Variants in GRM3 observed in about 807,000 individuals in gnomAD.
GRM3 encodes the protein metabotropic glutamate receptor 3.
In GRM3, 26 loss-of-function variants were observed where a neutral mutation model predicts 70.5. The observed-to-expected ratio is 0.37, with a 90% CI of 0.27 to 0.51. GRM3 has a LOEUF of 0.51. Among genes scored for constraint, GRM3 ranks in the 20% least tolerant of loss-of-function variants. The pLI is 0.93. For synonymous variants in GRM3, 443 were observed against 434.9 expected, an observed-to-expected ratio of 1.02 and a Z score of -0.23; for missense variants, 859 against 1,123.8, an observed-to-expected ratio of 0.76 and a Z score of 3.37.
chr7:86,864,150 T>A (rs1279106766), intron 5 of GRM3, 132 bp from the exon 6 acceptor site: 11 of 652,274 alleles, frequency 1.7e-5, no homozygotes, highest in Non-Finnish European at 2.8e-5. Flanking sequence ...GAACTCCAAT[T>A]TGTAGTCTTT....
At position 86,797,907 on chromosome 7, in the gene GRM3, A is replaced by G. The variant is rs543693324; in HGVS notation, c.1324+10791A>G. Among the ~76,000 whole-genome samples the G allele has an allele frequency of 5.3e-5, 8 of 152,302 alleles. No individual in the cohort carries two copies. In the South Asian group the frequency reaches 1.7e-3, roughly 32 times the overall value. Reference sequence around the variant, plus strand: ...CGGTGCCTGCATCCCAGCCGTGGCTAAAAGGGGCCAATGTAGAGCTCAGGC... The same window carrying G: ...CGGTGCCTGCATCCCAGCCGTGGCTGAAAGGGGCCAATGTAGAGCTCAGGC... On this transcript the variant is annotated intron_variant, in intron 3 of 5. Transcript: ENST00000361669.
At chr7:86,761,437 G>A (rs1427425976) in intron 1 of GRM3, among the ~76,000 whole-genome samples, 1 of 152,090 alleles carries the variant, frequency 6.6e-6, no homozygotes, top group African/African-American at 2.4e-5. Flanking sequence ...ATTTCTACCT[G>A]TTGGTGACCC....
At chr7:86,834,427 T>C (rs1798414930) in intron 3 of GRM3, among the ~76,000 whole-genome samples, 1 of 152,142 alleles carries the variant, frequency 6.6e-6, no homozygotes, top group African/African-American at 2.4e-5. Context: ...TAATTCTATT[T>C]CTGCTATTTG....
intron 1 of GRM3, among the ~76,000 whole-genome samples, chr7:86,751,080 A>G (rs1315896973): frequency 1.3e-5 from 2 of 152,048 alleles, no homozygotes; most frequent in Non-Finnish European, 2.9e-5. Flanking sequence ...GCTGTCATCA[A>G]TTTCCCCATT....
intron 3 of GRM3, among the ~76,000 whole-genome samples, chr7:86,796,105 G>C (rs989003894): frequency 1.6e-4 from 24 of 152,184 alleles, no homozygotes; most frequent in African/African-American, 5.8e-4. Flanking sequence ...TGTGGCAATT[G>C]CTTTTGATGT....
intron 1 of GRM3, among the ~76,000 whole-genome samples, chr7:86,689,410 A>G (rs1185411313): frequency 6.6e-6 from 1 of 152,110 alleles, no homozygotes; most frequent in Non-Finnish European, 1.5e-5. Flanking sequence ...ATAATGAAAT[A>G]CAGCAGGAAA....
intron 1 of GRM3, among the ~76,000 whole-genome samples, chr7:86,687,544 A>G (rs781279999): frequency 7.2e-5 from 11 of 151,980 alleles, no homozygotes; most frequent in Non-Finnish European, 1.3e-4. Context: ...GAAAAATGAA[A>G]GCAAAATAGA....
chr7:86,838,463 G>A (rs572850093), intron 3 of GRM3, among the ~76,000 whole-genome samples: 9 of 152,196 alleles, frequency 5.9e-5, no homozygotes, highest in Non-Finnish European at 8.8e-5. Context: ...AAATAAATAC[G>A]TAATAAGAAT....
At chr7:86,764,483 T>C (rs964091616) in intron 1 of GRM3, among the ~76,000 whole-genome samples, 19 of 152,214 alleles carry the variant, frequency 1.2e-4, no homozygotes, top group Middle Eastern at 3.4e-3. Context: ...AGTTCATCTA[T>C]TAAGGGAGGG....
intron 1 of GRM3, among the ~76,000 whole-genome samples, chr7:86,671,715 C>T (rs755655996): frequency 1.3e-5 from 2 of 152,186 alleles, no homozygotes; most frequent in African/African-American, 2.4e-5. Context: ...TCATCAACTA[C>T]CTGGGCATTC....
chr7:86,713,326 T>C (rs1323886989), intron 1 of GRM3, among the ~76,000 whole-genome samples: 2 of 152,092 alleles, frequency 1.3e-5, no homozygotes, highest in Admixed American at 6.6e-5. Context: ...AGTCAGATTA[T>C]GTTTTTTGCT....
chr7:86,826,444 T>G (rs1164140797), intron 3 of GRM3, among the ~76,000 whole-genome samples: 1 of 152,124 alleles, frequency 6.6e-6, no homozygotes, highest in Non-Finnish European at 1.5e-5. Context: ...AAAAGGAGAC[T>G]GTGAAAATCT....
chr7:86,726,590 C>T (rs1350067486), intron 1 of GRM3, among the ~76,000 whole-genome samples: 1 of 152,114 alleles, frequency 6.6e-6, no homozygotes, highest in Non-Finnish European at 1.5e-5. Flanking sequence ...CCATATTTCC[C>T]CCAGTTGGAC....
At position 86,813,615 on chromosome 7, in the gene GRM3, T is replaced by C. The variant is rs1797957455; in HGVS notation, c.1325-25224T>C. On this transcript the variant is annotated intron_variant, in intron 3 of 5. Coordinates refer to ENST00000361669, the MANE Select transcript of GRM3 (RefSeq NM_000840.3). ...AGTATGAGTTAAGCACTGAAGGAAG[T>C]TTACAGGAAAAATGTATAATACTAC... Among the ~76,000 whole-genome samples the C allele has an allele frequency of 2.0e-5, 3 of 151,708 alleles. No homozygotes were observed. The South Asian group carries it at 6.2e-4, about 32-fold the overall frequency.
intron 5 of GRM3, among the ~76,000 whole-genome samples, chr7:86,863,632 C>A (rs1400295007): frequency 1.3e-5 from 2 of 152,144 alleles, no homozygotes; most frequent in African/African-American, 2.4e-5. Context: ...ATATATCAAA[C>A]CAGTCTCTAA....
chr7:86,849,612 G>A (rs923681353), intron 4 of GRM3, among the ~76,000 whole-genome samples: 2 of 152,020 alleles, frequency 1.3e-5, no homozygotes, highest in South Asian at 2.1e-4. Context: ...ATGTGCCTAA[G>A]GGGAAAGGAA....
At chr7:86,658,099 T>A (rs997799872) in intron 1 of GRM3, among the ~76,000 whole-genome samples, 1 of 152,222 alleles carries the variant, frequency 6.6e-6, no homozygotes. Context: ...TATCTGTAGA[T>A]GGGAGGTTAA....
chr7:86,734,427 G>A (rs897282591), intron 1 of GRM3, among the ~76,000 whole-genome samples: 26 of 152,160 alleles, frequency 1.7e-4, no homozygotes, highest in African/African-American at 6.3e-4. Context: ...AGGTTAAAAT[G>A]AAATTTGGAG....
intron 2 of GRM3, among the ~76,000 whole-genome samples, chr7:86,767,840 A>G (rs939797378): frequency 6.6e-6 from 1 of 151,872 alleles, no homozygotes; most frequent in Non-Finnish European, 1.5e-5. Context: ...TTTACTACCT[A>G]TTTACTTCCT....
Sources: allele counts gnomAD v4.1 joint callset (sites outside exome capture counted in the v4.1 genomes callset), GRCh38; gene constraint gnomAD v4.1.1; transcripts MANE v1.5; gene names NCBI Gene and HGNC (gene_info 2026-07-23, HGNC 2026-07-21).